CC2D2B: variants seen among roughly 807,000 people sequenced by gnomAD.
CC2D2B encodes the protein coiled-coil and C2 domain containing 2B.
A neutral mutation model predicts 161.2 loss-of-function variants in CC2D2B; 128 were observed. That is an observed-to-expected ratio of 0.79 (90% CI 0.69 to 0.92). The LOEUF is 0.92. Ranked by LOEUF, CC2D2B falls within the 40% of genes least tolerant of loss-of-function variation. The pLI is 0.00. For missense variants in CC2D2B, 1,173 were observed against 1,375.1 expected, an observed-to-expected ratio of 0.85 and a Z score of 2.32; for synonymous variants, 391 against 449.8, an observed-to-expected ratio of 0.87 and a Z score of 1.65.
intron 9 of CC2D2B, among the ~76,000 whole-genome samples, chr10:95,946,160 G>T (rs1030609761): frequency 6.6e-6 from 1 of 151,968 alleles, no homozygotes; most frequent in African/African-American, 2.4e-5. Flanking sequence ...ACCCTTTTTG[G>T]CCATAAGGAA....
chr10:95,934,865 GTTTGTTTTGT>G (rs59255321), intron 6 of CC2D2B, among the ~76,000 whole-genome samples: 50 of 150,854 alleles, frequency 3.3e-4, no homozygotes, highest in African/African-American at 1.1e-3. Flanking sequence ...TTTTTTGTTT[GTTTGTTTTGT>G]TTTGTTTTGT....
chr10:95,945,859 A>T (rs769529585), intron 9 of CC2D2B, among the ~76,000 whole-genome samples: 1 of 138,366 alleles, frequency 7.2e-6, no homozygotes, highest in Non-Finnish European at 1.5e-5. Flanking sequence ...GTCTCAGCTC[A>T]CTGCAACCTC....
chr10:95,997,383 C>A (rs1274945040), intron 24 of CC2D2B, among the ~76,000 whole-genome samples: 2 of 151,946 alleles, frequency 1.3e-5, no homozygotes, highest in South Asian at 2.1e-4. Context: ...GCATTCAAAT[C>A]ATCTAGACAG....
intron 17 of CC2D2B, among the ~76,000 whole-genome samples, chr10:95,975,959 T>G (rs1245021801): frequency 2.6e-5 from 4 of 152,238 alleles, no homozygotes; most frequent in Non-Finnish European, 5.9e-5. Context: ...CATCATAATA[T>G]TGTTTGCATT....
intron 15 of CC2D2B, 128 bp downstream of exon 15, chr10:95,969,029 AGAT>A (rs1269595469): frequency 5.3e-5 from 21 of 398,496 alleles, no homozygotes; most frequent in Middle Eastern, 6.3e-4. Context: ...CTTTATGTGT[AGAT>A]GATAAGATAT....
At chr10:95,956,767 C>T (rs1195079998) in intron 11 of CC2D2B, among the ~76,000 whole-genome samples, 1 of 152,130 alleles carries the variant, frequency 6.6e-6, no homozygotes, top group African/African-American at 2.4e-5. Flanking sequence ...ATAACTTATG[C>T]ACATCCTCTC....
intron 9 of CC2D2B, among the ~76,000 whole-genome samples, chr10:95,940,488 T>C (rs895460824): frequency 6.6e-6 from 1 of 152,214 alleles, no homozygotes; most frequent in African/African-American, 2.4e-5. Flanking sequence ...CCCAAAAGTA[T>C]TCTTCTGTTT....
At position 96,031,919 on chromosome 10, in the gene CC2D2B, G is replaced by A; in HGVS notation, c.4225G>A (p.Glu1409Lys). ...GIHSAEFPQT[E>K]FALAVYIHPY... ...TCACTCTGCTGAATTTCCCCAGACA[G>A]AATTTGCTTTAGCTGTATACATTCA... The change falls in exon 35 of 35, where the codon GAA becomes AAA. Residue 1409 changes from glutamate to lysine, a missense_variant. Around this residue, in one of 3 missense-constraint regions of CC2D2B, gnomAD observed 598 missense variants for 693.2 expected, o/e 0.86. Coordinates refer to ENST00000646931, the MANE Select transcript of CC2D2B (RefSeq NM_001349008.3). 1 of 1,613,776 alleles carries A rather than the reference G, an allele frequency of 6.2e-7. No homozygotes were observed. Among genetic ancestry groups the A allele is most frequent in the African/African-American group, 1.3e-5 (1 of 75,014 alleles).
At chr10:95,990,978 G>A (rs145499954) in intron 20 of CC2D2B, among the ~76,000 whole-genome samples, 45 of 152,292 alleles carry the variant, frequency 3.0e-4, no homozygotes, top group Non-Finnish European at 5.9e-4. Context: ...AATTCCTTGG[G>A]TTTGTAGATC....
intron 12 of CC2D2B, 148 bp downstream of exon 12, chr10:95,962,117 T>C (rs1590621600): frequency 1.8e-5 from 1 of 55,016 alleles, no homozygotes; most frequent in Non-Finnish European, 5.1e-5. Context: ...TACATAAACA[T>C]ATATATATAT....
intron 33 of CC2D2B, among the ~76,000 whole-genome samples, chr10:96,025,181 AT>A (rs1224536253): frequency 0.11 from 1,953 of 17,338 alleles, 120 homozygotes; most frequent in African/African-American, 0.19. Flanking sequence ...ATATATATAT[AT>A]ATAAAAAAAA....
chr10:95,985,286 G>A (rs1313188320), intron 19 of CC2D2B, among the ~76,000 whole-genome samples: 1 of 152,172 alleles, frequency 6.6e-6, no homozygotes, highest in African/African-American at 2.4e-5. Flanking sequence ...ATATTTGACA[G>A]CATTGTCATT....
chr10:95,924,456 G>A lies in CC2D2B; in HGVS notation c.174+66G>A, dbSNP rs2098534444. 6.7e-6 allele frequency: 6 copies of A among 890,030 alleles called. No individual in the cohort carries two copies. The South Asian group carries it at 1.1e-4, about 16-fold the overall frequency. The allele number at this position is 890,030 out of a possible 1,614,324, so 55.1% of individuals were successfully genotyped here. A position where few individuals can be genotyped will look rare whatever the true frequency, so the allele number is the denominator to read the frequency against. The stretch of plus-strand genomic sequence containing the variant: ...TAAATGAGACATTTAACACAATCAA[G>A]TTTTCTTTGTCAAAAGAGCCGAAAT... On this transcript the variant is annotated intron_variant, in intron 4 of 34. Coordinates refer to ENST00000646931, the MANE Select transcript of CC2D2B (RefSeq NM_001349008.3).
intron 12 of CC2D2B, among the ~76,000 whole-genome samples, chr10:95,964,876 A>T (rs894367256): frequency 1.3e-5 from 2 of 152,172 alleles, no homozygotes; most frequent in African/African-American, 4.8e-5. Flanking sequence ...TTGTGCAACA[A>T]TCACCGCAAT....
intron 6 of CC2D2B, among the ~76,000 whole-genome samples, chr10:95,930,370 A>G (rs2098547813): frequency 6.6e-6 from 1 of 152,152 alleles, no homozygotes; most frequent in African/African-American, 2.4e-5. Flanking sequence ...TTCTCTTCCT[A>G]TTTGAATACC....
chr10:95,939,571 T>A (rs2075952195), intron 9 of CC2D2B, among the ~76,000 whole-genome samples: 1 of 152,220 alleles, frequency 6.6e-6, no homozygotes, highest in Admixed American at 6.5e-5. Context: ...AATGATTTTC[T>A]AAAGTGGTTG....
At chr10:95,997,387 T>A (rs1009185903) in intron 24 of CC2D2B, among the ~76,000 whole-genome samples, 4 of 152,156 alleles carry the variant, frequency 2.6e-5, no homozygotes, top group Admixed American at 6.5e-5. Flanking sequence ...TCAAATCATC[T>A]AGACAGCTTT....
At chr10:95,983,383 T>C (rs1270720354) in intron 18 of CC2D2B, among the ~76,000 whole-genome samples, 1 of 152,196 alleles carries the variant, frequency 6.6e-6, no homozygotes, top group Non-Finnish European at 1.5e-5. Context: ...TCAGTGCGAA[T>C]ATTTTCGTTT....
rs74151231 is a variant in CC2D2B, at chr10:96,004,389, G to T, written c.2946+141G>T. On this transcript the variant is annotated intron_variant, in intron 25 of 34. Coordinates refer to ENST00000646931, the MANE Select transcript of CC2D2B (RefSeq NM_001349008.3). ...TTCTTGAAAGGATTTGAGGCAATTT[G>T]CAATAAAATCAGACATATAACAAGT... The T allele has an allele frequency of 4.0e-3, 2,170 of 544,096 alleles. 43 individuals are homozygous for T. Among genetic ancestry groups the T allele is most frequent in the African/African-American group, 0.04 (2,009 of 50,798 alleles). The allele number at this position is 544,096 out of a possible 1,614,324, so 33.7% of individuals were successfully genotyped here. A position where few individuals can be genotyped will look rare whatever the true frequency, so the allele number is the denominator to read the frequency against.
Sources: gnomAD v4.1 joint callset for allele counts (sites outside exome capture counted in the v4.1 genomes callset) on GRCh38, gnomAD v4.1.1 for gene constraint, gnomAD v4.1.1 regional missense constraint, MANE v1.5 for transcripts, NCBI Gene and HGNC (gene_info 2026-07-23, HGNC 2026-07-21) for gene names.